Variants in ZFYVE16 observed in about 807,000 individuals in gnomAD.
The protein encoded by ZFYVE16 is zinc finger FYVE-type containing 16, also known as zinc finger FYVE domain-containing protein 16.
In ZFYVE16, 89 loss-of-function variants were observed where a neutral mutation model predicts 138.1. That is an observed-to-expected ratio of 0.64 (90% CI 0.54 to 0.77). The LOEUF is 0.77. ZFYVE16 is among the 30% of genes least tolerant of loss of function. ZFYVE16 has a pLI of 0.00. For synonymous variants in ZFYVE16, 596 were observed against 618.3 expected, an observed-to-expected ratio of 0.96 and a Z score of 0.53; for missense variants, 1,793 against 1,786.7, an observed-to-expected ratio of 1.00 and a Z score of -0.06.
At chr5:80,476,174 C>A (rs1754890802) in intron 18 of ZFYVE16, among the ~76,000 whole-genome samples, 1 of 152,178 alleles carries the variant, frequency 6.6e-6, no homozygotes, top group African/African-American at 2.4e-5. Context: ...GAACTCTTGA[C>A]CTCATGTGAT....
At chr5:80,435,583 C>G (rs1033024892) in intron 3 of ZFYVE16, among the ~76,000 whole-genome samples, 4 of 151,890 alleles carry the variant, frequency 2.6e-5, no homozygotes, top group African/African-American at 9.7e-5. Flanking sequence ...TCTTTTTTTT[C>G]TAAGAGACAG....
chr5:80,436,922 C>T lies in ZFYVE16; in HGVS notation c.237C>T (p.Ser79=). Reference sequence around the variant, plus strand: ...CAAGCTATGGAACAAATGAGAGTTCCCTGAATGAAAAAACACTCAAGGGAC... The same window carrying T: ...CAAGCTATGGAACAAATGAGAGTTCTCTGAATGAAAAAACACTCAAGGGAC... ...SETSYGTNES[S]LNEKTLKGLT... is the part of the protein sequence containing the mutation. Residue 79 remains serine, a synonymous_variant, in exon 4 of 19, where the codon TCC becomes TCT. Transcript: ENST00000505560. 6.2e-7 allele frequency: 1 copy of T among 1,613,892 alleles called. No individual in the cohort carries two copies. The highest frequency in any genetic ancestry group is 1.1e-5 in the South Asian group (1 of 91,072).
chr5:80,434,335 T>A, intron 3 of ZFYVE16, 118 bp downstream of exon 3: 1 of 906,176 alleles, frequency 1.1e-6, no homozygotes, highest in Non-Finnish European at 1.7e-6. Context: ...CGTTATCTTC[T>A]GCAAAAAGTT....
chr5:80,425,544 T>C (rs1747868841), intron 1 of ZFYVE16, among the ~76,000 whole-genome samples: 1 of 152,226 alleles, frequency 6.6e-6, no homozygotes. Context: ...TCATTGTATT[T>C]TTAAAAAGTA....
At chr5:80,416,845 G>C (rs534572945) in intron 1 of ZFYVE16, among the ~76,000 whole-genome samples, 2 of 152,016 alleles carry the variant, frequency 1.3e-5, no homozygotes, top group Non-Finnish European at 2.9e-5. Context: ...AAGTATGTTC[G>C]TTGCCCCTGG....
At chr5:80,468,148 CA>C (rs1753929971) in intron 15 of ZFYVE16, among the ~76,000 whole-genome samples, 2 of 152,124 alleles carry the variant, frequency 1.3e-5, no homozygotes, top group African/African-American at 4.8e-5. Flanking sequence ...GTCAGGTTTA[CA>C]AAAGGTCCAT....
chr5:80,414,544 T>C (rs1277335436), intron 1 of ZFYVE16, among the ~76,000 whole-genome samples: 1 of 152,228 alleles, frequency 6.6e-6, no homozygotes, highest in East Asian at 1.9e-4. Context: ...CCCTCACATT[T>C]ATGATAACCA....
At chr5:80,443,516 G>C (rs1363933778) in intron 6 of ZFYVE16, among the ~76,000 whole-genome samples, 1 of 152,314 alleles carries the variant, frequency 6.6e-6, no homozygotes, top group South Asian at 2.1e-4. Context: ...GGAGTTTGGG[G>C]CTACAAAAGG....
rs776173219 is a variant in ZFYVE16 at position 80,472,799 on chromosome 5, G to A, written c.4063G>A (p.Gly1355Ser). ...MVQITPETMN[G>S]LRLALREQKD... ...ACAAATAACTCCAGAGACCATGAAT[G>A]GCTTGCGGCTAGCTTTACGAGAACA... The change falls in exon 16 of 19, where the codon GGC becomes AGC. Residue 1355 changes from glycine (G) to serine (S), a missense_variant. Physicochemically the swap from Gly to Ser is moderately conservative, Grantham distance 56. Transcript: ENST00000505560. 1.9e-6 allele frequency: 3 copies of A among 1,613,838 alleles called. No homozygotes were observed. The highest frequency in any genetic ancestry group is 2.7e-5 in the African/African-American group (2 of 74,894).
chr5:80,421,839 A>G (rs1188854989), intron 1 of ZFYVE16, among the ~76,000 whole-genome samples: 1 of 152,142 alleles, frequency 6.6e-6, no homozygotes, highest in African/African-American at 2.4e-5. Flanking sequence ...GAAGAAAGTC[A>G]TTGGTAGCTT....
At position 80,447,907 on chromosome 5, in the gene ZFYVE16, C is replaced by T. The variant is rs143657508; in HGVS notation, c.2725-119C>T. The T allele has an allele frequency of 7.8e-5, 66 of 847,938 alleles. No homozygotes were observed. The Middle Eastern group carries it at 1.5e-3, about 20-fold the overall frequency. The allele number at this position is 847,938 out of a possible 1,614,324, so 52.5% of individuals were successfully genotyped here. ...ATTTGACTTTAAGAGAATTTCTGAA[C>T]GCATTTTGGTTTTTATTTATTCTTA... On this transcript the variant is annotated intron_variant, in intron 7 of 18. Coordinates refer to ENST00000505560, the MANE Select transcript of ZFYVE16 (RefSeq NM_001284236.3).
intron 3 of ZFYVE16, among the ~76,000 whole-genome samples, chr5:80,435,303 G>A (rs561742188): frequency 4.1e-4 from 62 of 152,210 alleles, no homozygotes; most frequent in Admixed American, 9.2e-4. Context: ...AAAGTGCTGG[G>A]ATTACAGGCC....
At chr5:80,454,952 A>G (rs940325847) in intron 11 of ZFYVE16, 1 of 152,204 alleles carries the variant, frequency 6.6e-6, no homozygotes, top group Non-Finnish European at 1.5e-5. Context: ...AGAAACCTAT[A>G]TCGTTCTAAC....
At chr5:80,457,160 G>A in intron 14 of ZFYVE16, 68 bp downstream of exon 14, 3 of 1,558,468 alleles carry the variant, frequency 1.9e-6, no homozygotes, top group East Asian at 2.3e-5. Flanking sequence ...TTTCAAAGGG[G>A]AAATATATGT....
Position 80,478,881 on chromosome 5 carries a change from T to A in ZFYVE16, c.*1504T>A, listed in dbSNP as rs1210670865. Reference sequence around the variant, plus strand: ...GAACAATGTAAAGTGTCGCAGATATTCAATAAAATGGCAACCTGTTATAAT... The same window carrying A: ...GAACAATGTAAAGTGTCGCAGATATACAATAAAATGGCAACCTGTTATAAT... On this transcript the variant is annotated 3_prime_UTR_variant, in exon 19 of 19. Transcript: ENST00000505560. 6.6e-6 allele frequency: 1 copy of A among 152,172 alleles called. No individual in the cohort carries two copies. The highest frequency in any genetic ancestry group is 1.5e-5 in the Non-Finnish European group (1 of 67,992). The allele number at this position is 152,172 out of a possible 1,614,324, so 9.4% of individuals were successfully genotyped here.
Position 80,479,165 on chromosome 5 carries a change from T to A in ZFYVE16, c.*1788T>A, listed in dbSNP as rs945544811. On this transcript the variant is annotated 3_prime_UTR_variant, in exon 19 of 19. Coordinates refer to ENST00000505560, the MANE Select transcript of ZFYVE16 (RefSeq NM_001284236.3). Reference sequence around the variant, plus strand: ...TATTCTTTGTAGACATATAGTATGTTTCTGAATGTGTTTGTTACTTATTTG... The same window carrying A: ...TATTCTTTGTAGACATATAGTATGTATCTGAATGTGTTTGTTACTTATTTG... The A allele has an allele frequency of 9.8e-5, 15 of 152,326 alleles. No homozygotes were observed. Among genetic ancestry groups the A allele is most frequent in the Admixed American group, 2.6e-4 (4 of 15,298 alleles). The allele number at this position is 152,326 out of a possible 1,614,324, so 9.4% of individuals were successfully genotyped here. A position where few individuals can be genotyped will look rare whatever the true frequency, so the allele number is the denominator to read the frequency against.
Position 80,437,710 on chromosome 5 carries a change from C to G in ZFYVE16, c.1025C>G (p.Ala342Gly). Residue 342 changes from alanine to glycine, a missense_variant, in exon 4 of 19, where the codon GCA becomes GGA. Physicochemically the swap from Ala to Gly is moderately conservative, Grantham distance 60. Coordinates refer to ENST00000505560, the MANE Select transcript of ZFYVE16 (RefSeq NM_001284236.3). ...QEDKTVIKQS[A>G]QEDSKSLDLK... ...GATAAGACTGTTATAAAACAATCTG[C>G]ACAAGAAGACTCAAAAAGTTTAGAC... The G allele has an allele frequency of 6.2e-7, 1 of 1,613,976 alleles. No individual in the cohort carries two copies. Among genetic ancestry groups the G allele is most frequent in the East Asian group, 2.2e-5 (1 of 44,870 alleles).
intron 15 of ZFYVE16, among the ~76,000 whole-genome samples, chr5:80,472,236 T>C (rs967154580): frequency 1.3e-5 from 2 of 151,734 alleles, no homozygotes; most frequent in African/African-American, 2.4e-5. Flanking sequence ...TCTCTTGAGT[T>C]CTCAGCCAAT....
intron 14 of ZFYVE16, 39 bp downstream of exon 14, chr5:80,457,131 C>A: frequency 6.3e-7 from 1 of 1,596,394 alleles, no homozygotes; most frequent in South Asian, 1.2e-5. Context: ...TACAAAACCA[C>A]CTCAATTAAT....
Sources: gnomAD v4.1 joint callset for allele counts (sites outside exome capture counted in the v4.1 genomes callset) on GRCh38, gnomAD v4.1.1 for gene constraint, MANE v1.5 for transcripts, NCBI Gene and HGNC (gene_info 2026-07-23, HGNC 2026-07-21) for gene names.